The following ZNF236 variants were observed in gnomAD, a reference collection of about 807,000 sequenced individuals.
The protein encoded by ZNF236 is zinc finger protein 236, also known as regulated by glucose.
Under a neutral mutation model 191.2 loss-of-function variants are expected in ZNF236, and 50 were observed. The ratio of observed to expected loss-of-function variants is 0.26; its 90% CI spans 0.21 to 0.33. ZNF236 has a LOEUF of 0.33. ZNF236 is among the 10% of genes least tolerant of loss of function. ZNF236 has a pLI of 1.00. For missense variants in ZNF236, 1,754 were observed against 2,374.5 expected (o/e 0.74, Z 5.43); for synonymous variants, 907 against 928.8 (o/e 0.98, Z 0.43).
chr18:76,937,407 C>T (rs1279897770), intron 26 of ZNF236, 64 bp downstream of exon 26: 48 of 1,374,842 alleles, frequency 3.5e-5, no homozygotes, highest in African/African-American at 4.3e-5. Context: ...AAACATTATT[C>T]ATTGACTCCT....
chr18:76,948,269 A>G (rs1968316693), intron 27 of ZNF236, among the ~76,000 whole-genome samples: 1 of 152,174 alleles, frequency 6.6e-6, no homozygotes, highest in African/African-American at 2.4e-5. Flanking sequence ...AGCATTAAAC[A>G]TTTTTAGCAA....
At chr18:76,947,137 C>T (rs903430836) in intron 26 of ZNF236, among the ~76,000 whole-genome samples, 3 of 152,146 alleles carry the variant, frequency 2.0e-5, no homozygotes, top group South Asian at 4.1e-4. Flanking sequence ...TGTGATCATC[C>T]GTGTGGTCTT....
intron 1 of ZNF236, among the ~76,000 whole-genome samples, chr18:76,829,751 G>A (rs1975114721): frequency 6.6e-6 from 1 of 152,274 alleles, no homozygotes; most frequent in Admixed American, 6.5e-5. Flanking sequence ...GGTTTTAGGT[G>A]AGGAGCTTCA....
intron 1 of ZNF236, among the ~76,000 whole-genome samples, chr18:76,838,646 G>C (rs1975401239): frequency 6.6e-6 from 1 of 152,192 alleles, no homozygotes; most frequent in South Asian, 2.1e-4. Flanking sequence ...AAAAAGGCTA[G>C]GCCACAGTTA....
chr18:76,968,198 C>T lies in ZNF236; in HGVS notation c.5420-17C>T. 1 of 1,613,636 alleles carries T rather than the reference C, an allele frequency of 6.2e-7. No homozygotes were observed. Among genetic ancestry groups the T allele is most frequent in the Non-Finnish European group, 8.5e-7 (1 of 1,179,800 alleles). ...GAAGGTCTGAGGCTGCTTGTGTTTTCTTTGTCTGCATAACAGGAGCTCTGC... is the reference window on the plus strand; with the variant it reads ...GAAGGTCTGAGGCTGCTTGTGTTTTTTTTGTCTGCATAACAGGAGCTCTGC... On this transcript the variant is annotated splice_polypyrimidine_tract_variant and intron_variant, in intron 30 of 30. Transcript: ENST00000320610.
At chr18:76,910,046 C>A in intron 14 of ZNF236, 22 bp from the exon 15 acceptor site, 1 of 1,589,550 alleles carries the variant, frequency 6.3e-7, no homozygotes, top group Non-Finnish European at 8.6e-7. Flanking sequence ...ATGCGTCCCC[C>A]TTTTTTACAT....
intron 11 of ZNF236, among the ~76,000 whole-genome samples, 199 bp from the exon 12 acceptor site, chr18:76,904,180 TA>T (rs1977677163): frequency 6.6e-6 from 1 of 151,654 alleles, no homozygotes; most frequent in Non-Finnish European, 1.5e-5. Context: ...TGTTATATTA[TA>T]AATATATTAA....
chr18:76,949,194 C>T (rs1248102920), intron 27 of ZNF236, among the ~76,000 whole-genome samples: 1 of 152,204 alleles, frequency 6.6e-6, no homozygotes, highest in Non-Finnish European at 1.5e-5. Context: ...TTCCAAGGCA[C>T]ACCTTACCTA....
rs1967646617 is a variant in ZNF236 at position 76,925,394 on chromosome 18, A to G, written c.3867A>G (p.Arg1289=). The G allele has an allele frequency of 1.2e-6, 2 of 1,614,190 alleles. No individual in the cohort carries two copies. The highest frequency in any genetic ancestry group is 1.7e-6 in the Non-Finnish European group (2 of 1,180,044). The change falls in exon 22 of 31, where the codon CGA becomes CGG. Residue 1289 remains arginine, a synonymous_variant. Transcript: ENST00000320610. This position sits in a 1 kb window ranked among gnomAD's most constrained non-coding sequence, Gnocchi z 5.7. ...DPKKARKPMT[R]SSSEGLQPVN... is the part of the protein sequence containing the mutation. ...AGAAGGCCAGAAAGCCTATGACTCG[A>G]AGCTCATCGGAAGGACTGCAGCCTG... is the stretch of plus-strand genomic sequence containing the variant.
Position 76,956,104 on chromosome 18 carries a change from C to A in ZNF236, c.5034C>A (p.Ser1678Arg). The change falls in exon 28 of 31, where the codon AGC (serine) becomes AGA (arginine). Residue 1678 changes from serine to arginine, a missense_variant. By Grantham distance (110) the Ser-to-Arg change is moderately radical. Around this residue, in one of 5 missense-constraint regions of ZNF236, gnomAD observed 606 missense variants for 761.5 expected, o/e 0.80. Coordinates refer to ENST00000320610, the MANE Select transcript of ZNF236 (RefSeq NM_001306089.2). The part of the protein sequence containing the change: ...FSSAAVLMHH[S>R]KEVHGRERIH... ...CGGCGGCGGTGCTCATGCACCACAG[C>A]AAGGAGGTGCATGGCCGGGAGCGCA... 6.3e-7 allele frequency: 1 copy of A among 1,586,120 alleles called. No homozygotes were observed. Among genetic ancestry groups the A allele is most frequent in the Admixed American group, 1.8e-5 (1 of 55,990 alleles).
intron 20 of ZNF236, among the ~76,000 whole-genome samples, chr18:76,920,377 C>G (rs927927041): frequency 3.9e-5 from 6 of 151,916 alleles, no homozygotes; most frequent in African/African-American, 1.5e-4. Context: ...ATGGAGAAAC[C>G]TGGTCTCTAC....
intron 1 of ZNF236, among the ~76,000 whole-genome samples, chr18:76,828,088 G>A (rs1490751339): frequency 6.6e-6 from 1 of 152,042 alleles, no homozygotes; most frequent in Non-Finnish European, 1.5e-5. Flanking sequence ...TACCAGTTCA[G>A]GAATTTTCAG....
At position 76,851,854 on chromosome 18, in the gene ZNF236, A is replaced by G; in HGVS notation, c.278A>G (p.Glu93Gly). Residue 93 changes from glutamate (E) to glycine (G), a missense_variant, in exon 3 of 31, where the codon GAA (glutamate) becomes GGA (glycine). Physicochemically the swap from Glu to Gly is moderately conservative, Grantham distance 98. Transcript: ENST00000320610. ...LTLHKCTHSG[E>G]DPTCPVCNKK... is the part of the protein sequence containing the mutation. Reference sequence around the variant, plus strand: ...CTTCATAAATGCACCCACAGCGGGGAAGATCCTACCTGCCCTGTGTGTAAC... The same window carrying G: ...CTTCATAAATGCACCCACAGCGGGGGAGATCCTACCTGCCCTGTGTGTAAC... 6.2e-7 allele frequency: 1 copy of G among 1,614,152 alleles called. No homozygotes were observed. Among genetic ancestry groups the G allele is most frequent in the Non-Finnish European group, 8.5e-7 (1 of 1,179,998 alleles).
rs935935713 is a variant in ZNF236, at chr18:76,914,023, T to C, written c.3061+125T>C. On this transcript the variant is annotated intron_variant, in intron 18 of 30. Transcript: ENST00000320610. ...AATTCAGTGATTTTTAGTATGTTCA[T>C]AGAGTTCTGCAACCATCAAAACTGT... 3.8e-6 allele frequency: 4 copies of C among 1,064,908 alleles called. No homozygotes were observed. The Admixed American group carries it at 1.0e-4, about 28-fold the overall frequency. The allele number at this position is 1,064,908 out of a possible 1,614,324, so 66.0% of individuals were successfully genotyped here. A position where few individuals can be genotyped will look rare whatever the true frequency, so the allele number is the denominator to read the frequency against.
At chr18:76,842,675 C>T (rs939666691) in intron 1 of ZNF236, among the ~76,000 whole-genome samples, 5 of 151,274 alleles carry the variant, frequency 3.3e-5, no homozygotes, top group Non-Finnish European at 7.4e-5. Flanking sequence ...CGCTTGAACC[C>T]GGGAGGCGGA....
chr18:76,920,851 G>C (rs1430677773), intron 20 of ZNF236, among the ~76,000 whole-genome samples: 1 of 152,184 alleles, frequency 6.6e-6, no homozygotes. Flanking sequence ...AAGACCCATG[G>C]TAAAGAACAG....
chr18:76,963,250 G>A (rs1968702994), intron 30 of ZNF236, among the ~76,000 whole-genome samples: 2 of 152,062 alleles, frequency 1.3e-5, no homozygotes, highest in Admixed American at 1.3e-4. Context: ...TATGTCCCTT[G>A]TATGCCGATT....
At chr18:76,897,740 AAC>A (rs1418516076) in intron 10 of ZNF236, among the ~76,000 whole-genome samples, 1 of 151,996 alleles carries the variant, frequency 6.6e-6, no homozygotes, top group Admixed American at 6.5e-5. Context: ...CATGGTACCA[AAC>A]ACAGTGCCAC....
chr18:76,963,956 C>T (rs1355192872), intron 30 of ZNF236, among the ~76,000 whole-genome samples: 5 of 152,064 alleles, frequency 3.3e-5, no homozygotes, highest in African/African-American at 9.7e-5. Context: ...ATTTGGATTT[C>T]CTCTCTTCTT....
Sources: gnomAD v4.1 joint callset for allele counts (sites outside exome capture counted in the v4.1 genomes callset) on GRCh38, gnomAD v4.1.1 for gene constraint, gnomAD v4.1.1 regional missense constraint, Gnocchi (gnomAD v3.1) non-coding constraint, MANE v1.5 for transcripts, NCBI Gene and HGNC (gene_info 2026-07-23, HGNC 2026-07-21) for gene names.